BLM: variants seen among roughly 807,000 people sequenced by gnomAD.
BLM encodes BLM RecQ like helicase.
A neutral mutation model predicts 135.3 loss-of-function variants in BLM; 95 were observed. The observed-to-expected ratio is 0.70, with a 90% CI of 0.59 to 0.83. The LOEUF is 0.83. BLM is among the 40% of genes least tolerant of loss of function. BLM has a pLI of 0.00. For synonymous variants in BLM, 520 were observed against 589.2 expected (o/e 0.88, Z 1.70); for missense variants, 1,518 against 1,663.9 (o/e 0.91, Z 1.53).
chr15:90,781,624 C>T (rs555488208), intron 12 of BLM, among the ~76,000 whole-genome samples: 15 of 152,072 alleles, frequency 9.9e-5, no homozygotes, highest in Admixed American at 3.3e-4. Context: ...GAGACTCCCT[C>T]TCAAAAAAAT....
intron 3 of BLM, 142 bp downstream of exon 3, chr15:90,750,209 T>A: frequency 1.1e-6 from 1 of 922,426 alleles, no homozygotes; most frequent in Non-Finnish European, 1.7e-6. Flanking sequence ...AATAATCTGT[T>A]GGCCACATTT....
Position 90,815,376 on chromosome 15 carries a change from T to A in BLM, c.*97T>A. The A allele has an allele frequency of 7.7e-7, 1 of 1,295,664 alleles. No homozygotes were observed. The highest frequency in any genetic ancestry group is 1.1e-6 in the Non-Finnish European group (1 of 906,000). The allele number at this position is 1,295,664 out of a possible 1,614,324, so 80.3% of individuals were successfully genotyped here. Reference sequence around the variant, plus strand: ...GTTATTCTTGTTATACCATTTGAAGTTTTTACTCGTCTCTATTAATATTTA... The same window carrying A: ...GTTATTCTTGTTATACCATTTGAAGATTTTACTCGTCTCTATTAATATTTA... On this transcript the variant is annotated 3_prime_UTR_variant, in exon 22 of 22. Transcript: ENST00000355112. The surrounding 1 kb of genome is among the most constrained non-coding windows in gnomAD (Gnocchi z 4.6).
intron 12 of BLM, among the ~76,000 whole-genome samples, chr15:90,773,205 A>G (rs545594135): frequency 7.9e-5 from 12 of 151,846 alleles, no homozygotes; most frequent in African/African-American, 2.9e-4. Flanking sequence ...GGATCACCTG[A>G]GGTCAGGAGT....
chr15:90,733,533 C>T (rs1895121086), intron 1 of BLM, among the ~76,000 whole-genome samples: 1 of 152,124 alleles, frequency 6.6e-6, no homozygotes, highest in Admixed American at 6.6e-5. Flanking sequence ...CTTTATTTTC[C>T]AAATGGCTTG....
At chr15:90,728,257 A>G (rs1850213542) in intron 1 of BLM, among the ~76,000 whole-genome samples, 1 of 152,120 alleles carries the variant, frequency 6.6e-6, no homozygotes. Flanking sequence ...GCTGCTCTCA[A>G]ACTCCTGGGC....
At chr15:90,780,402 T>G (rs1049530501) in intron 12 of BLM, among the ~76,000 whole-genome samples, 3 of 152,088 alleles carry the variant, frequency 2.0e-5, no homozygotes, top group African/African-American at 7.2e-5. Context: ...TTTTTCTAAT[T>G]AGAGACGAGG....
intron 10 of BLM, among the ~76,000 whole-genome samples, chr15:90,767,933 T>G (rs1172714947): frequency 1.3e-5 from 2 of 151,786 alleles, no homozygotes; most frequent in Non-Finnish European, 2.9e-5. Flanking sequence ...AGTTTTCCTG[T>G]TGGTTACACT....
At chr15:90,771,624 G>A in intron 12 of BLM, among the ~76,000 whole-genome samples, 1 of 136,892 alleles carries the variant, frequency 7.3e-6, no homozygotes. Flanking sequence ...TTTGGAGACA[G>A]GTCTTACCAT....
Position 90,815,674 on chromosome 15 carries a change from T to C in BLM, c.*395T>C. The C allele has an allele frequency of 3.6e-6, 1 of 275,406 alleles. No individual in the cohort carries two copies. The highest frequency in any genetic ancestry group is 8.4e-5 in the East Asian group (1 of 11,956). The allele number at this position is 275,406 out of a possible 1,614,324, so 17.1% of individuals were successfully genotyped here. On this transcript the variant is annotated 3_prime_UTR_variant, in exon 22 of 22. Transcript: ENST00000355112. This position sits in a 1 kb window ranked among gnomAD's most constrained non-coding sequence, Gnocchi z 4.6. ...AAATGACGGGGAAAAGAGGAGAAAA[T>C]ATATTACAAAGGATTAGTATCCATC...
chr15:90,805,404 G>T (rs778272455), intron 19 of BLM, among the ~76,000 whole-genome samples: 1 of 152,024 alleles, frequency 6.6e-6, no homozygotes, highest in Admixed American at 6.6e-5. Flanking sequence ...CCAGGAGGCA[G>T]AAGTTGCAGA....
intron 14 of BLM, 21 bp downstream of exon 14, chr15:90,785,102 C>G (rs1378360857): frequency 4.4e-6 from 7 of 1,607,326 alleles, no homozygotes; most frequent in Non-Finnish European, 6.0e-6. Context: ...TAAAGATAAA[C>G]AAATAATAGA....
In BLM at chr15:90,761,112, C is replaced by G. The variant is rs1895974290; in HGVS notation, c.1739C>G (p.Ser580Cys). Reference protein sequence around the residue: ...IMHNLAASKSSTAAYQPIKEG... With the variant: ...IMHNLAASKSCTAAYQPIKEG... ...CATAATTTAGCAGCCAGCAAATCTT[C>G]CACAGCTGCCTATCAACCCATCAAG... Residue 580 changes from serine to cysteine, a missense_variant, in exon 7 of 22, where the codon TCC becomes TGC. Around this residue, in one of 5 missense-constraint regions of BLM, gnomAD observed 724 missense variants for 756.9 expected, o/e 0.96. Coordinates refer to ENST00000355112, the MANE Select transcript of BLM (RefSeq NM_000057.4). The G allele has an allele frequency of 1.3e-6, 2 of 1,544,156 alleles. No individual in the cohort carries two copies. The highest frequency in any genetic ancestry group is 2.8e-5 in the African/African-American group (2 of 72,206).
At chr15:90,741,785 G>A (rs1052140484) in intron 1 of BLM, among the ~76,000 whole-genome samples, 2 of 151,870 alleles carry the variant, frequency 1.3e-5, no homozygotes, top group South Asian at 2.1e-4. Flanking sequence ...TTCCTTTTTC[G>A]AATATTTTTG....
At chr15:90,759,850 AC>A (rs1442415745) in intron 5 of BLM, 2 of 306,356 alleles carry the variant, frequency 6.5e-6, no homozygotes, top group Admixed American at 9.9e-5. Flanking sequence ...CAGGTGATCT[AC>A]CCTTCTTGGC....
rs1208432656 is a variant in BLM, at chr15:90,751,859, T to TTGA, written c.883_885dup (p.Asp295dup). The TTGA allele has an allele frequency of 6.2e-7, 1 of 1,612,446 alleles. No individual in the cohort carries two copies. The highest frequency in any genetic ancestry group is 1.7e-5 in the Admixed American group (1 of 60,020). ...ACTGAGAAAGTTCCATGTATTGAAT[T>TTGA]TGATGATGATGATTATGATACGGAT... On this transcript the variant is annotated inframe_insertion, in exon 4 of 22. Transcript: ENST00000355112.
intron 21 of BLM, among the ~76,000 whole-genome samples, chr15:90,814,351 T>C (rs2151201760): frequency 6.6e-6 from 1 of 152,342 alleles, no homozygotes; most frequent in Non-Finnish European, 1.5e-5. Context: ...TTGTTTGTTT[T>C]TATTTTACTT....
intron 12 of BLM, among the ~76,000 whole-genome samples, chr15:90,773,405 G>T (rs941114384): frequency 6.6e-5 from 10 of 151,654 alleles, no homozygotes; most frequent in African/African-American, 2.4e-4. Flanking sequence ...GGGTGATAGA[G>T]CGAGACTCCA....
At chr15:90,739,213 G>A (rs1567030422) in intron 1 of BLM, among the ~76,000 whole-genome samples, 1 of 152,102 alleles carries the variant, frequency 6.6e-6, no homozygotes, top group African/African-American at 2.4e-5. Flanking sequence ...GGCCAACATG[G>A]TGAAACCCCG....
chr15:90,750,193 T>A, intron 3 of BLM, 126 bp downstream of exon 3: 1 of 1,046,126 alleles, frequency 9.6e-7, no homozygotes, highest in Non-Finnish European at 1.4e-6. Context: ...TTAGTGGTGC[T>A]TTTTGAATAA....
Sources: allele counts gnomAD v4.1 joint callset (sites outside exome capture counted in the v4.1 genomes callset), GRCh38; gene constraint gnomAD v4.1.1; regional missense constraint gnomAD v4.1.1; non-coding constraint Gnocchi (gnomAD v3.1); transcripts MANE v1.5; gene names NCBI Gene and HGNC (gene_info 2026-07-23, HGNC 2026-07-21).